The following SLC12A8 variants were observed in gnomAD, a reference collection of about 807,000 sequenced individuals.
The protein encoded by SLC12A8 is cation-chloride cotransporter 9.
A neutral mutation model predicts 75.6 loss-of-function variants in SLC12A8; 69 were observed. The ratio of observed to expected loss-of-function variants is 0.91; its 90% CI spans 0.75 to 1.11. SLC12A8 has a LOEUF of 1.11. Among genes scored for constraint, SLC12A8 ranks in the 50% most tolerant of loss-of-function variants. The pLI is 0.00. For synonymous variants in SLC12A8, 365 were observed against 372.8 expected, an observed-to-expected ratio of 0.98 and a Z score of 0.24; for missense variants, 877 against 896.7, an observed-to-expected ratio of 0.98 and a Z score of 0.28.
chr3:125,188,241 G>A (rs572125827), intron 3 of SLC12A8, among the ~76,000 whole-genome samples: 32 of 152,248 alleles, frequency 2.1e-4, no homozygotes, highest in South Asian at 8.3e-4. Flanking sequence ...TACGTGGCAC[G>A]CTGCTCCCTC....
At position 125,211,286 on chromosome 3, in the gene SLC12A8, A is replaced by G; in HGVS notation, c.51+13T>C. 6.2e-7 allele frequency: 1 copy of G among 1,612,632 alleles called. No individual in the cohort carries two copies. The highest frequency in any genetic ancestry group is 8.5e-7 in the Non-Finnish European group (1 of 1,179,198). ...AGGCCTCCATCACAGACCCTGGCACATCCTGAGCCTACCTGCTGGGCTGCC... is the reference window on the plus strand; with the variant it reads ...AGGCCTCCATCACAGACCCTGGCACGTCCTGAGCCTACCTGCTGGGCTGCC... On this transcript the variant is annotated intron_variant, in intron 2 of 13. Coordinates refer to ENST00000469902, the MANE Select transcript of SLC12A8 (RefSeq NM_024628.6).
At chr3:125,098,554 CCACACACACACACACACA>C (rs3222429) in intron 10 of SLC12A8, among the ~76,000 whole-genome samples, 4 of 144,026 alleles carry the variant, frequency 2.8e-5, no homozygotes, top group South Asian at 2.4e-4. Flanking sequence ...TGAATCTTCT[CCACACACACACACACACA>C]CACACACACA....
At chr3:125,118,948 A>T (rs980564560) in intron 7 of SLC12A8, 92 bp from the exon 8 acceptor site, 2 of 846,042 alleles carry the variant, frequency 2.4e-6, no homozygotes, top group Admixed American at 4.2e-5. Flanking sequence ...TTCCAAAGGG[A>T]ACTTGTATCA....
At chr3:125,183,778 A>T (rs1934714551) in intron 4 of SLC12A8, among the ~76,000 whole-genome samples, 1 of 151,890 alleles carries the variant, frequency 6.6e-6, no homozygotes, top group African/African-American at 2.4e-5. Flanking sequence ...GTCACCAAGA[A>T]CCCTCAGGCC....
chr3:125,156,966 G>C (rs1023869722), intron 5 of SLC12A8, among the ~76,000 whole-genome samples: 1 of 152,136 alleles, frequency 6.6e-6, no homozygotes, highest in Admixed American at 6.5e-5. Flanking sequence ...TATTTTGTTT[G>C]TTTGTTTGCT....
At chr3:125,209,123 C>A (rs1224099885) in intron 2 of SLC12A8, among the ~76,000 whole-genome samples, 1 of 152,164 alleles carries the variant, frequency 6.6e-6, no homozygotes, top group Non-Finnish European at 1.5e-5. Flanking sequence ...TTCTTGAGGG[C>A]TAGCCACTCC....
chr3:125,084,755 A>G (rs2981478), intron 13 of SLC12A8, among the ~76,000 whole-genome samples: 92,881 of 152,130 alleles, frequency 0.61, 29,450 homozygotes, highest in African/African-American at 0.78. Flanking sequence ...TCACAGCTCC[A>G]TCCCTAATCA....
chr3:125,097,692 C>T (rs1210342445), intron 10 of SLC12A8, among the ~76,000 whole-genome samples: 1 of 152,088 alleles, frequency 6.6e-6, no homozygotes, highest in East Asian at 1.9e-4. Flanking sequence ...CTCAATGACT[C>T]TTTGAATAGG....
At chr3:125,101,118 C>G (rs1284524589) in intron 10 of SLC12A8, among the ~76,000 whole-genome samples, 1 of 150,756 alleles carries the variant, frequency 6.6e-6, no homozygotes. Flanking sequence ...TGTTGGCATA[C>G]ACACTGTGTA....
In SLC12A8 at chr3:125,190,288, T is replaced by A. The variant is rs1386065402; in HGVS notation, c.198+87A>T. 1.2e-5 allele frequency: 17 copies of A among 1,408,158 alleles called. No individual in the cohort carries two copies. In the East Asian group the frequency reaches 3.9e-4, roughly 33 times the overall value. The allele number at this position is 1,408,158 out of a possible 1,614,324, so 87.2% of individuals were successfully genotyped here. A position where few individuals can be genotyped will look rare whatever the true frequency, so the allele number is the denominator to read the frequency against. On this transcript the variant is annotated intron_variant, in intron 3 of 13. Transcript: ENST00000469902. ...CAGGAGCATCTGTGCTTCAGGAATC[T>A]GTGGCCTGCACTGTAGAATGCAAGA... is the stretch of plus-strand genomic sequence containing the variant.
At chr3:125,124,887 G>A (rs1375249480) in intron 6 of SLC12A8, among the ~76,000 whole-genome samples, 1 of 152,130 alleles carries the variant, frequency 6.6e-6, no homozygotes, top group African/African-American at 2.4e-5. Flanking sequence ...GTTACATTTA[G>A]GGTTGGCGTA....
In SLC12A8 at chr3:125,092,134, G is replaced by A. The variant is rs1938596372; in HGVS notation, c.1770C>T (p.Thr590=). Residue 590 remains threonine (T), a synonymous_variant, in exon 11 of 14, where the codon ACC becomes ACT. Coordinates refer to ENST00000469902, the MANE Select transcript of SLC12A8 (RefSeq NM_024628.6). ...GGGAGACCCAGGGGTTGCACATGTGGGTATAGAAAGAAGTGGATCTTCTCC... is the reference window on the plus strand; with the variant it reads ...GGGAGACCCAGGGGTTGCACATGTGAGTATAGAAAGAAGTGGATCTTCTCC... ...DVWRRSTSFY[T]HMCNPWVSLL... The A allele has an allele frequency of 6.2e-7, 1 of 1,612,750 alleles. No individual in the cohort carries two copies. Among genetic ancestry groups the A allele is most frequent in the African/African-American group, 1.3e-5 (1 of 74,854 alleles).
intron 10 of SLC12A8, among the ~76,000 whole-genome samples, chr3:125,092,845 T>C (rs1938619239): frequency 6.6e-6 from 1 of 152,210 alleles, no homozygotes; most frequent in African/African-American, 2.4e-5. Flanking sequence ...CATTCTCAGT[T>C]TACAGCTGGC....
chr3:125,181,912 C>T (rs1170990535), intron 4 of SLC12A8, among the ~76,000 whole-genome samples: 2 of 152,130 alleles, frequency 1.3e-5, no homozygotes, highest in Non-Finnish European at 2.9e-5. Flanking sequence ...GAGGGCCAGG[C>T]CCAGTGGCTC....
intron 5 of SLC12A8, among the ~76,000 whole-genome samples, chr3:125,168,567 T>C (rs572490325): frequency 6.6e-6 from 1 of 152,294 alleles, no homozygotes; most frequent in African/African-American, 2.4e-5. Context: ...CCCCGTGGCC[T>C]CCCTGCCCAC....
intron 5 of SLC12A8, among the ~76,000 whole-genome samples, chr3:125,154,376 T>C (rs1433616073): frequency 6.6e-6 from 1 of 152,184 alleles, no homozygotes; most frequent in Non-Finnish European, 1.5e-5. Context: ...AGGGCTCAAA[T>C]TCTGGCTCCA....
intron 13 of SLC12A8, among the ~76,000 whole-genome samples, chr3:125,085,817 C>T (rs546165451): frequency 4.6e-5 from 7 of 152,152 alleles, no homozygotes; most frequent in Non-Finnish European, 1.0e-4. Flanking sequence ...CCTAAGTGAT[C>T]GGCCTGCCTC....
intron 5 of SLC12A8, among the ~76,000 whole-genome samples, chr3:125,152,536 C>T (rs780267195): frequency 5.3e-5 from 8 of 151,990 alleles, no homozygotes; most frequent in East Asian, 3.8e-4. Flanking sequence ...CAGAAGAAAC[C>T]GTCTTCAAAA....
chr3:125,160,611 T>G (rs527368921), intron 5 of SLC12A8, among the ~76,000 whole-genome samples: 251 of 152,304 alleles, frequency 1.6e-3, no homozygotes, highest in African/African-American at 5.3e-3. Context: ...AATGCGAGTT[T>G]AGATGAAGCG....
Sources: allele counts gnomAD v4.1 joint callset (sites outside exome capture counted in the v4.1 genomes callset), GRCh38; gene constraint gnomAD v4.1.1; transcripts MANE v1.5; gene names NCBI Gene and HGNC (gene_info 2026-07-23, HGNC 2026-07-21).